Variants in NTM observed in about 807,000 individuals in gnomAD.
NTM encodes neurotrimin.
A neutral mutation model predicts 42.1 loss-of-function variants in NTM; 13 were observed. The observed-to-expected ratio is 0.31, with a 90% confidence interval of 0.20 to 0.49. The LOEUF (loss-of-function observed/expected upper bound fraction) is 0.49, where lower values mean the gene tolerates loss of function less well. Among genes scored for constraint, NTM ranks in the 20% least tolerant of loss-of-function variants. The probability of loss-of-function intolerance (pLI) is 0.99; values close to 1 mark genes in which losing one functional copy is unlikely to be tolerated. For synonymous variants in NTM, 187 were observed against 179.2 expected, an observed-to-expected ratio of 1.04 and a Z score of -0.35; for missense variants, 373 against 452.8, an observed-to-expected ratio of 0.82 and a Z score of 1.60.
Position 131,422,796 on chromosome 11 carries a change from G to A in NTM, c.82+51908G>A, listed in dbSNP as rs143474858. 2.7e-3 allele frequency among the ~76,000 whole-genome samples: 415 copies of A among 152,246 alleles called. 7 individuals carry two copies. The highest frequency in any genetic ancestry group is 9.6e-3 in the African/African-American group (399 of 41,550). ...ACACTTCAAATCCACTTGCTTATCTGATGCATTTTACATGTGAGATTTATT... is the reference window on the plus strand; with the variant it reads ...ACACTTCAAATCCACTTGCTTATCTAATGCATTTTACATGTGAGATTTATT... On this transcript the variant is annotated intron_variant, in intron 1 of 8. Coordinates refer to ENST00000683400, the MANE Select transcript of NTM (RefSeq NM_001352005.2).
intron 4 of NTM, among the ~76,000 whole-genome samples, chr11:132,224,551 C>G (rs1479555358): frequency 6.6e-6 from 1 of 152,166 alleles, no homozygotes; most frequent in African/African-American, 2.4e-5. Context: ...GTGGTGAAAC[C>G]TCACCTCACA....
chr11:131,532,162 C>T (rs2051371951), intron 1 of NTM, among the ~76,000 whole-genome samples: 1 of 152,138 alleles, frequency 6.6e-6, no homozygotes, highest in Admixed American at 6.5e-5. Context: ...ACAACTATTA[C>T]AACCATCTCC....
intron 2 of NTM, among the ~76,000 whole-genome samples, chr11:132,033,742 G>A (rs1378376264): frequency 3.9e-5 from 6 of 152,162 alleles, no homozygotes; most frequent in African/African-American, 1.4e-4. Context: ...GCTGTGGTAT[G>A]GTCCCTGGGA....
intron 1 of NTM, among the ~76,000 whole-genome samples, chr11:131,547,443 G>T (rs79853948): frequency 2.7e-4 from 41 of 152,320 alleles, no homozygotes; most frequent in African/African-American, 9.6e-4. Flanking sequence ...AAGAGACTTT[G>T]AGGTGGGCAG....
intron 1 of NTM, among the ~76,000 whole-genome samples, chr11:131,502,008 A>G (rs895230419): frequency 6.6e-6 from 1 of 152,036 alleles, no homozygotes; most frequent in African/African-American, 2.4e-5. Flanking sequence ...TGGGTCTATG[A>G]GTTTGGAGTT....
chr11:132,018,855 C>G (rs1173564292), intron 2 of NTM, among the ~76,000 whole-genome samples: 2 of 151,930 alleles, frequency 1.3e-5, no homozygotes, highest in South Asian at 2.1e-4. Flanking sequence ...CCTGGCTTTT[C>G]TTTGCCGAAG....
chr11:131,815,714 A>G (rs915830833), intron 1 of NTM, among the ~76,000 whole-genome samples: 2 of 152,156 alleles, frequency 1.3e-5, no homozygotes, highest in African/African-American at 2.4e-5. Context: ...AGTCAGCAGA[A>G]GGGCCTAAAT....
At chr11:131,717,540 T>C in intron 1 of NTM, among the ~76,000 whole-genome samples, 1 of 152,220 alleles carries the variant, frequency 6.6e-6, no homozygotes, top group East Asian at 1.9e-4. Context: ...ATTACTAGTG[T>C]ATAGAAATAC....
intron 3 of NTM, among the ~76,000 whole-genome samples, chr11:132,176,978 C>G (rs1241481560): frequency 6.6e-6 from 1 of 152,068 alleles, no homozygotes. Flanking sequence ...ATCCACCTGC[C>G]TTGGCCTCCC....
At chr11:131,378,705 G>A (rs1942276960) in intron 1 of NTM, among the ~76,000 whole-genome samples, 1 of 152,160 alleles carries the variant, frequency 6.6e-6, no homozygotes. Flanking sequence ...GGGTCAAAAA[G>A]GAATGTGATT....
intron 1 of NTM, among the ~76,000 whole-genome samples, chr11:131,387,411 A>G (rs7947582): frequency 0.02 from 3,035 of 151,966 alleles, 86 homozygotes; most frequent in African/African-American, 0.069. Context: ...ACAGCTCCAT[A>G]CCTTTGCAGG....
At chr11:131,696,056 T>C (rs776902474) in intron 1 of NTM, among the ~76,000 whole-genome samples, 7 of 152,044 alleles carry the variant, frequency 4.6e-5, no homozygotes, top group Non-Finnish European at 1.0e-4. Context: ...CAACAGAAAG[T>C]GTTGTTGATG....
In NTM at chr11:132,214,025, C is replaced by T. The variant is rs1007819099; in HGVS notation, c.526+1878C>T. Among the ~76,000 whole-genome samples, 19 of 61,358 alleles carry T rather than the reference C, an allele frequency of 3.1e-4. 4 individuals carry two copies. The highest frequency in any genetic ancestry group is 9.2e-4 in the African/African-American group (19 of 20,656). The allele number at this position is 61,358 out of a possible 152,430, so 40.3% of individuals were successfully genotyped here. A position where few individuals can be genotyped will look rare whatever the true frequency, so the allele number is the denominator to read the frequency against. ...CTGGGATTACAGGCGTGAGCCACCG[C>T]GCCCGGCGGGCCACCATTCTTGACA... is the stretch of plus-strand genomic sequence containing the variant. On this transcript the variant is annotated intron_variant, in intron 4 of 8. Transcript: ENST00000683400.
At chr11:132,040,735 T>A (rs2077071448) in intron 2 of NTM, among the ~76,000 whole-genome samples, 1 of 152,192 alleles carries the variant, frequency 6.6e-6, no homozygotes, top group Non-Finnish European at 1.5e-5. Flanking sequence ...GCTCTCCTGT[T>A]TTTTAACCTC....
intron 1 of NTM, among the ~76,000 whole-genome samples, chr11:131,448,695 G>T (rs1047358802): frequency 1.3e-5 from 2 of 152,202 alleles, no homozygotes; most frequent in East Asian, 3.9e-4. Context: ...CCTCCAGGTT[G>T]CAGGAGAGAA....
intron 1 of NTM, among the ~76,000 whole-genome samples, chr11:131,638,794 G>A (rs1337284850): frequency 6.6e-6 from 1 of 151,108 alleles, no homozygotes; most frequent in Admixed American, 6.6e-5. Context: ...TTGGTCTCAG[G>A]TATTTTTGGT....
rs1491305966 is a variant in NTM at position 131,789,483 on chromosome 11, A to AG, written c.83-122080dup. 1.0e-3 allele frequency among the ~76,000 whole-genome samples: 12 copies of AG among 11,490 alleles called. 1 individual carries two copies. The highest frequency in any genetic ancestry group is 1.8e-3 in the Non-Finnish European group (10 of 5,522). The allele number at this position is 11,490 out of a possible 152,430, so 7.5% of individuals were successfully genotyped here. A position where few individuals can be genotyped will look rare whatever the true frequency, so the allele number is the denominator to read the frequency against. ...AAGAAGAAGAAGAAGAAGAAGAAGA[A>AG]GAAGAAGAGGAAAGAAGAAGAAGAA... On this transcript the variant is annotated intron_variant, in intron 1 of 8. Coordinates refer to ENST00000683400, the MANE Select transcript of NTM (RefSeq NM_001352005.2).
At chr11:131,951,062 G>C (rs1010478683) in intron 2 of NTM, among the ~76,000 whole-genome samples, 1 of 152,150 alleles carries the variant, frequency 6.6e-6, no homozygotes, top group Admixed American at 6.5e-5. Context: ...TACTACAATA[G>C]CCTGTAGCCT....
intron 2 of NTM, among the ~76,000 whole-genome samples, chr11:132,121,173 A>G (rs1332731988): frequency 6.6e-6 from 1 of 152,122 alleles, no homozygotes; most frequent in African/African-American, 2.4e-5. Context: ...TATGCAATTC[A>G]TCTTAATCAC....
Sources: allele counts gnomAD v4.1 joint callset (sites outside exome capture counted in the v4.1 genomes callset), GRCh38; gene constraint gnomAD v4.1.1; transcripts MANE v1.5; gene names NCBI Gene and HGNC (gene_info 2026-07-23, HGNC 2026-07-21).